The following CATSPERE variants were observed in gnomAD, a reference collection of about 807,000 sequenced individuals.
The protein encoded by CATSPERE is cation channel sperm-associated auxiliary subunit epsilon.
Under a neutral mutation model 114.1 loss-of-function variants are expected in CATSPERE, and 93 were observed. The observed-to-expected ratio is 0.81, with a 90% CI of 0.69 to 0.97. The LOEUF is 0.97. CATSPERE is among the 50% of genes least tolerant of loss of function. CATSPERE has a pLI of 0.00. For synonymous variants in CATSPERE, 341 were observed against 384.1 expected, an observed-to-expected ratio of 0.89 and a Z score of 1.31; for missense variants, 1,058 against 1,131.6, an observed-to-expected ratio of 0.93 and a Z score of 0.93.
intron 20 of CATSPERE, among the ~76,000 whole-genome samples, chr1:244,625,406 T>TA: frequency 7.8e-5 from 1 of 12,884 alleles, no homozygotes; most frequent in South Asian, 4.4e-3. Context: ...TTATTATTAT[T>TA]TATATATATA....
chr1:244,548,460 C>T (rs371903162), intron 8 of CATSPERE, among the ~76,000 whole-genome samples: 41 of 152,262 alleles, frequency 2.7e-4, no homozygotes, highest in African/African-American at 9.9e-4. Context: ...CTACACTGAA[C>T]CATTTCCATC....
At chr1:244,521,548 G>A (rs952468082) in intron 8 of CATSPERE, among the ~76,000 whole-genome samples, 4 of 151,818 alleles carry the variant, frequency 2.6e-5, no homozygotes, top group African/African-American at 4.8e-5. Flanking sequence ...ATTTCAAAAT[G>A]TTTTTTACTT....
rs145293733 is a variant in CATSPERE, at chr1:244,484,157, C to A, written c.326+4373C>A. Among the ~76,000 whole-genome samples the A allele has an allele frequency of 3.4e-3, 522 of 152,198 alleles. 11 individuals are homozygous for A. The highest frequency in any genetic ancestry group is 4.7e-4 in the Non-Finnish European group (32 of 67,992). The stretch of plus-strand genomic sequence containing the variant: ...TGTTCTGTTCAGCTGATCTATTTGT[C>A]CATACTTGAACAAAACTACATTATC... On this transcript the variant is annotated intron_variant, in intron 5 of 21. Transcript: ENST00000366534.
chr1:244,636,894 C>G (rs574329224), intron 21 of CATSPERE: 25 of 152,262 alleles, frequency 1.6e-4, no homozygotes, highest in African/African-American at 5.8e-4. Flanking sequence ...GCAAAGAGCT[C>G]GGCACTTCCT....
chr1:244,630,868 C>T (rs573455798), intron 20 of CATSPERE, among the ~76,000 whole-genome samples: 4 of 152,246 alleles, frequency 2.6e-5, no homozygotes, highest in African/African-American at 7.2e-5. Context: ...GGATTTCTTG[C>T]ATCTCAACTT....
chr1:244,459,080 CTT>C (rs36076606), upstream of CATSPERE, among the ~76,000 whole-genome samples: 18 of 134,438 alleles, frequency 1.3e-4, no homozygotes, highest in Non-Finnish European at 1.3e-4. Context: ...CTGGGCTCAG[CTT>C]TTTTTTTTTT....
intron 5 of CATSPERE, among the ~76,000 whole-genome samples, chr1:244,490,050 G>A (rs1036218170): frequency 2.6e-5 from 4 of 152,178 alleles, no homozygotes; most frequent in Admixed American, 2.0e-4. Context: ...ATGAACAGGA[G>A]AGGGTAAGGA....
chr1:244,572,797 C>T (rs949555606), intron 11 of CATSPERE, 25 bp downstream of exon 11: 2 of 1,450,728 alleles, frequency 1.4e-6, no homozygotes, highest in African/African-American at 2.9e-5. Context: ...TAAATTTCTT[C>T]ATTTGATTTT....
chr1:244,500,352 G>T (rs1361122178), intron 7 of CATSPERE, among the ~76,000 whole-genome samples: 2 of 152,268 alleles, frequency 1.3e-5, no homozygotes, highest in Admixed American at 6.5e-5. Flanking sequence ...AGCTTAATTA[G>T]ATCCCATTTG....
chr1:244,623,373 G>A (rs572821515), intron 20 of CATSPERE, among the ~76,000 whole-genome samples: 5 of 152,170 alleles, frequency 3.3e-5, no homozygotes, highest in South Asian at 4.2e-4. Flanking sequence ...CCACCACCTC[G>A]TTACCTTCTT....
chr1:244,463,664 C>G (rs75806743), intron 1 of CATSPERE, among the ~76,000 whole-genome samples: 1 of 146,456 alleles, frequency 6.8e-6, no homozygotes, highest in African/African-American at 2.5e-5. Context: ...AAAAAAAAAC[C>G]AGGTAAAGAG....
chr1:244,629,760 C>T (rs1180554210), intron 20 of CATSPERE, among the ~76,000 whole-genome samples: 1 of 152,074 alleles, frequency 6.6e-6, no homozygotes, highest in Non-Finnish European at 1.5e-5. Context: ...GTGCCTCAGC[C>T]TCCTGAGTTG....
At chr1:244,590,105 A>G (rs557142962) in intron 14 of CATSPERE, among the ~76,000 whole-genome samples, 79 of 152,288 alleles carry the variant, frequency 5.2e-4, no homozygotes, top group African/African-American at 1.7e-3. Flanking sequence ...TCCAATATCT[A>G]TCTAAAAATG....
At chr1:244,509,576 T>C (rs1483592788) in intron 7 of CATSPERE, among the ~76,000 whole-genome samples, 2 of 152,204 alleles carry the variant, frequency 1.3e-5, no homozygotes. Flanking sequence ...GGTGTCAGGG[T>C]AACGCTTGCC....
chr1:244,583,983 T>C (rs1666639096), intron 13 of CATSPERE, 44 bp downstream of exon 13: 1 of 1,552,834 alleles, frequency 6.4e-7, no homozygotes, highest in South Asian at 1.1e-5. Context: ...ACTTCAAGAA[T>C]GTATAGGCGG....
At chr1:244,639,904 T>C (rs1573154034) in intron 21 of CATSPERE, 24 bp from the exon 22 acceptor site, 1 of 542 alleles carries the variant, frequency 1.8e-3, no homozygotes, top group Non-Finnish European at 2.4e-3. Context: ...TTCTAATGCC[T>C]TTTTTTTTTT....
intron 6 of CATSPERE, among the ~76,000 whole-genome samples, chr1:244,494,524 GCA>G (rs1201038076): frequency 6.6e-6 from 1 of 150,514 alleles, no homozygotes; most frequent in Non-Finnish European, 1.5e-5. Flanking sequence ...AATGGGTGCA[GCA>G]CACCAACATG....
chr1:244,491,584 T>C (rs575066010), intron 6 of CATSPERE, among the ~76,000 whole-genome samples: 81 of 151,852 alleles, frequency 5.3e-4, no homozygotes, highest in African/African-American at 1.8e-3. Context: ...AGGCAAGAAA[T>C]AACTAAAATC....
upstream of CATSPERE, chr1:244,451,800 G>A (rs1158423134): frequency 6.3e-7 from 1 of 1,592,254 alleles, no homozygotes; most frequent in South Asian, 1.1e-5. The surrounding 1 kb of genome is among the most constrained non-coding windows in gnomAD (Gnocchi z 6.6). Flanking sequence ...CCGCCGGGTA[G>A]GTCTCGGCGA....
Sources: gnomAD v4.1 joint callset for allele counts (sites outside exome capture counted in the v4.1 genomes callset) on GRCh38, gnomAD v4.1.1 for gene constraint, Gnocchi (gnomAD v3.1) non-coding constraint, MANE v1.5 for transcripts, NCBI Gene and HGNC (gene_info 2026-07-23, HGNC 2026-07-21) for gene names.